Variants in SNX25 observed in about 807,000 individuals in gnomAD.
SNX25 encodes the protein sorting nexin 25.
A neutral mutation model predicts 113.7 loss-of-function variants in SNX25; 62 were observed. The observed-to-expected ratio is 0.55, with a 90% CI of 0.44 to 0.67. SNX25 has a LOEUF of 0.67. SNX25 is among the 30% of genes least tolerant of loss of function. The pLI, the probability that SNX25 is intolerant of heterozygous loss-of-function variation, is 0.00. For missense variants in SNX25, 1,014 were observed against 1,161.0 expected (o/e 0.87, Z 1.84); for synonymous variants, 421 against 436.2 (o/e 0.97, Z 0.43).
chr4:185,215,510 T>A (rs542347454), intron 1 of SNX25, among the ~76,000 whole-genome samples: 3 of 152,338 alleles, frequency 2.0e-5, no homozygotes, highest in African/African-American at 7.2e-5. Flanking sequence ...ACAAACTCAT[T>A]TAGTTACTCA....
chr4:185,204,655 C>A (rs1579281845), upstream of SNX25, among the ~76,000 whole-genome samples: 1 of 152,166 alleles, frequency 6.6e-6, no homozygotes, highest in East Asian at 1.9e-4. Context: ...GATTAAGGAT[C>A]AAAATGGGAA....
In SNX25 at chr4:185,318,165, T is replaced by C. The variant is rs565170390; in HGVS notation, c.1345-2568T>C. Among the ~76,000 whole-genome samples the C allele has an allele frequency of 2.0e-5, 3 of 152,294 alleles. No individual in the cohort carries two copies. The East Asian group carries it at 5.8e-4, about 29-fold the overall frequency. ...TGGTATGCACTTGATTTTAGAAATATCTTACTGGTGACATTTCTGAAAATT... is the reference window on the plus strand; with the variant it reads ...TGGTATGCACTTGATTTTAGAAATACCTTACTGGTGACATTTCTGAAAATT... On this transcript the variant is annotated intron_variant, in intron 7 of 18. Transcript: ENST00000652585.
intron 14 of SNX25, 31 bp downstream of exon 14, chr4:185,351,640 T>C (rs373983966): frequency 7.5e-6 from 12 of 1,606,992 alleles, no homozygotes; most frequent in Admixed American, 1.7e-5. Flanking sequence ...ACCACTTTTG[T>C]AGTGTATTTC....
intron 6 of SNX25, among the ~76,000 whole-genome samples, chr4:185,302,707 G>A (rs192688267): frequency 4.0e-4 from 61 of 152,340 alleles, no homozygotes; most frequent in African/African-American, 1.4e-3. Flanking sequence ...CTCCAGAGCT[G>A]TGCGGAGTAA....
intron 5 of SNX25, among the ~76,000 whole-genome samples, chr4:185,279,944 A>G (rs1300569323): frequency 6.6e-6 from 1 of 152,066 alleles, no homozygotes; most frequent in Non-Finnish European, 1.5e-5. Context: ...TTTTTAAGAC[A>G]GGGTCTCACT....
chr4:185,246,870 T>G (rs1297463350), intron 1 of SNX25, among the ~76,000 whole-genome samples: 2 of 152,206 alleles, frequency 1.3e-5, no homozygotes, highest in Non-Finnish European at 2.9e-5. Flanking sequence ...TTTGGAGTTA[T>G]TTATATACAG....
intron 15 of SNX25, among the ~76,000 whole-genome samples, chr4:185,354,309 C>T (rs2095329691): frequency 6.6e-6 from 1 of 152,140 alleles, no homozygotes; most frequent in African/African-American, 2.4e-5. Flanking sequence ...TAGGATAATT[C>T]CATGGCCAAG....
chr4:185,327,427 T>C (rs998743113), intron 9 of SNX25, among the ~76,000 whole-genome samples: 5 of 152,230 alleles, frequency 3.3e-5, no homozygotes, highest in Admixed American at 2.0e-4. Flanking sequence ...TTTTCATGAC[T>C]TACACAGACA....
At chr4:185,373,193 A>T, downstream of SNX25, 2 of 983,530 alleles carry the variant, frequency 2.0e-6, no homozygotes, top group Non-Finnish European at 3.0e-6. Context: ...AATCATCTCT[A>T]GGAAAGAGCG....
At chr4:185,332,497 A>T in intron 9 of SNX25, 98 bp from the exon 10 acceptor site, 1 of 1,143,354 alleles carries the variant, frequency 8.7e-7, no homozygotes, top group Non-Finnish European at 1.2e-6. Context: ...TTCTTTCCTT[A>T]CTGGAATGTA....
chr4:185,263,603 T>C (rs3112859), intron 3 of SNX25, among the ~76,000 whole-genome samples: 9,317 of 152,216 alleles, frequency 0.061, 946 homozygotes, highest in African/African-American at 0.21. Context: ...CTGAGAGGCA[T>C]GGGTCCTAAA....
chr4:185,205,644 C>A (rs1737154962), upstream of SNX25, among the ~76,000 whole-genome samples: 1 of 152,082 alleles, frequency 6.6e-6, no homozygotes, highest in Non-Finnish European at 1.5e-5. Context: ...GCCTGGCCAA[C>A]ATGGTGAAAC....
At chr4:185,337,403 G>A (rs758383789) in intron 10 of SNX25, among the ~76,000 whole-genome samples, 5 of 152,106 alleles carry the variant, frequency 3.3e-5, no homozygotes, top group Non-Finnish European at 7.4e-5. Flanking sequence ...TCATCCATGT[G>A]GTAGCGTGTG....
In SNX25 at chr4:185,323,510, A is replaced by G. The variant is rs1394197441; in HGVS notation, c.1477-18A>G. The G allele has an allele frequency of 4.4e-6, 7 of 1,595,228 alleles. No individual in the cohort carries two copies. The African/African-American group carries it at 9.5e-5, about 22-fold the overall frequency. Reference sequence around the variant, plus strand: ...GAGATGATATGTCTTACTTTTCCTTATCTTCCTGTCTTTTCAGAATGAAAT... The same window carrying G: ...GAGATGATATGTCTTACTTTTCCTTGTCTTCCTGTCTTTTCAGAATGAAAT... On this transcript the variant is annotated intron_variant, in intron 8 of 18. Coordinates refer to ENST00000652585, the MANE Select transcript of SNX25 (RefSeq NM_001378034.2).
intron 6 of SNX25, among the ~76,000 whole-genome samples, chr4:185,290,970 A>C (rs1236154840): frequency 6.6e-6 from 1 of 152,208 alleles, no homozygotes; most frequent in African/African-American, 2.4e-5. Flanking sequence ...CAGAAAGAAC[A>C]ATGGTTAGTG....
chr4:185,279,982 G>A (rs1489854372), intron 5 of SNX25, among the ~76,000 whole-genome samples: 2 of 151,890 alleles, frequency 1.3e-5, no homozygotes, highest in Admixed American at 1.3e-4. Context: ...GTGCAGTGGC[G>A]CGATCACAGC....
At chr4:185,335,344 A>G (rs1466991495) in intron 10 of SNX25, among the ~76,000 whole-genome samples, 1 of 150,946 alleles carries the variant, frequency 6.6e-6, no homozygotes, top group Admixed American at 6.6e-5. Flanking sequence ...ACACACACAC[A>G]CACACACACA....
chr4:185,257,515 A>G (rs1342000173), intron 2 of SNX25, among the ~76,000 whole-genome samples: 2 of 152,218 alleles, frequency 1.3e-5, no homozygotes, highest in African/African-American at 4.8e-5. Flanking sequence ...AGTACGAAAA[A>G]AAGCAAAGTA....
intron 5 of SNX25, among the ~76,000 whole-genome samples, chr4:185,282,976 T>C (rs1360765484): frequency 2.6e-5 from 4 of 152,184 alleles, no homozygotes; most frequent in Admixed American, 6.5e-5. Flanking sequence ...GTATATATTG[T>C]ATAGTTTTGT....
Sources: allele counts gnomAD v4.1 joint callset (sites outside exome capture counted in the v4.1 genomes callset), GRCh38; gene constraint gnomAD v4.1.1; transcripts MANE v1.5; gene names NCBI Gene and HGNC (gene_info 2026-07-23, HGNC 2026-07-21).